CELF5: variants seen among roughly 807,000 people sequenced by gnomAD.
The protein encoded by CELF5 is CUG-BP and ETR-3 like factor 5.
A neutral mutation model predicts 54.9 loss-of-function variants in CELF5; 6 were observed. The observed-to-expected ratio is 0.11, with a 90% CI of 0.06 to 0.22. The LOEUF is 0.22. CELF5 is among the 10% of genes least tolerant of loss of function. CELF5 has a pLI of 1.00. For synonymous variants in CELF5, 271 were observed against 290.9 expected (o/e 0.93, Z 0.70); for missense variants, 401 against 678.6 (o/e 0.59, Z 4.54).
chr19:3,229,618 G>A (rs1917150625), intron 1 of CELF5, among the ~76,000 whole-genome samples: 1 of 152,230 alleles, frequency 6.6e-6, no homozygotes, highest in Admixed American at 6.5e-5. Flanking sequence ...GCTGCAGTGG[G>A]TCTTCCCGTT....
chr19:3,249,555 C>G (rs573662752), intron 1 of CELF5, among the ~76,000 whole-genome samples: 1 of 151,618 alleles, frequency 6.6e-6, no homozygotes, highest in Non-Finnish European at 1.5e-5. Context: ...CTGGGCCACT[C>G]TATGGGCTGG....
intron 1 of CELF5, among the ~76,000 whole-genome samples, chr19:3,248,682 T>C (rs1235135463): frequency 6.6e-6 from 1 of 152,210 alleles, no homozygotes; most frequent in African/African-American, 2.4e-5. Context: ...AACATTGTTA[T>C]ACAAATATCT....
chr19:3,285,904 G>T, intron 9 of CELF5, 38 bp from the exon 10 acceptor site: 2 of 1,170,032 alleles, frequency 1.7e-6, no homozygotes. Flanking sequence ...GTGGCCTCAC[G>T]CCCCTCCTCG....
Position 3,235,690 on chromosome 19 carries a change from GTGGA to G in CELF5, c.259+10715_259+10718del, listed in dbSNP as rs1167320138. Among the ~76,000 whole-genome samples, 330 of 90,292 alleles carry G rather than the reference GTGGA, an allele frequency of 3.7e-3. 1 individual carries two copies. The highest frequency in any genetic ancestry group is 0.013 in the African/African-American group (286 of 22,272). 59.2% of individuals were successfully genotyped at this position (90,292 alleles called of 152,430 possible). On this transcript the variant is annotated intron_variant, in intron 1 of 12. Coordinates refer to ENST00000292672, the MANE Select transcript of CELF5 (RefSeq NM_021938.4). ...GATGGATGGATGGATGTGTGGATGG[GTGGA>G]TGGATGGATGGATGGATGGATGTGT...
At chr19:3,225,719 C>T in intron 1 of CELF5, 1 of 318,356 alleles carries the variant, frequency 3.1e-6, no homozygotes, top group Non-Finnish European at 4.5e-6. Flanking sequence ...TGCCCACCCC[C>T]TGGCCCCACC....
intron 8 of CELF5, among the ~76,000 whole-genome samples, chr19:3,283,883 C>T (rs185348482): frequency 2.6e-5 from 4 of 152,020 alleles, no homozygotes; most frequent in East Asian, 3.9e-4. Flanking sequence ...AGTGCAGTGG[C>T]GTGATCATAG....
intron 4 of CELF5, among the ~76,000 whole-genome samples, chr19:3,276,336 G>A (rs2080052096): frequency 6.6e-6 from 1 of 150,814 alleles, no homozygotes; most frequent in South Asian, 2.1e-4. Context: ...GGAGGAGCTG[G>A]CTCTGAGGAT....
chr19:3,290,470 G>A lies in CELF5; in HGVS notation c.1330+96G>A. 2.9e-6 allele frequency: 4 copies of A among 1,365,920 alleles called. No homozygotes were observed. The South Asian group carries it at 5.1e-5, about 17-fold the overall frequency. 84.6% of individuals were successfully genotyped at this position (1,365,920 alleles called of 1,614,324 possible). On this transcript the variant is annotated intron_variant, in intron 11 of 12. Coordinates refer to ENST00000292672, the MANE Select transcript of CELF5 (RefSeq NM_021938.4). ...TTTTGGTCGGCCTCGGGACAGGGCT[G>A]TGCTGAAATAATCACAATCAGAACC...
rs2079907036 is a variant in CELF5, at chr19:3,268,030, GCT to G, written c.343-5839_343-5838del. Among the ~76,000 whole-genome samples, 1 of 151,984 alleles carries G rather than the reference GCT, an allele frequency of 6.6e-6. No individual in the cohort carries two copies. Among genetic ancestry groups the G allele is most frequent in the African/African-American group, 2.4e-5 (1 of 41,364 alleles). Reference sequence around the variant, plus strand: ...TTTTGCTTTTTTGAGATGGAGTCTCGCTCTGTCGCCCAGGCTGGAGTGCAGTG... The same window carrying G: ...TTTTGCTTTTTTGAGATGGAGTCTCGCTGTCGCCCAGGCTGGAGTGCAGTG... On this transcript the variant is annotated intron_variant, in intron 2 of 12. Coordinates refer to ENST00000292672, the MANE Select transcript of CELF5 (RefSeq NM_021938.4). This position sits in a 1 kb window ranked among gnomAD's most constrained non-coding sequence, Gnocchi z 4.4.
chr19:3,270,194 T>TG (rs1410071689), intron 2 of CELF5, among the ~76,000 whole-genome samples: 1 of 152,104 alleles, frequency 6.6e-6, no homozygotes, highest in Non-Finnish European at 1.5e-5. Flanking sequence ...TCCGCCAGGC[T>TG]GGTGAAGGGT....
At position 3,275,550 on chromosome 19, in the gene CELF5, C is replaced by T. The variant is rs1002240765; in HGVS notation, c.395-306C>T. 2.6e-5 allele frequency among the ~76,000 whole-genome samples: 4 copies of T among 152,246 alleles called. No homozygotes were observed. Among genetic ancestry groups the T allele is most frequent in the Admixed American group, 6.5e-5 (1 of 15,288 alleles). ...AGTGCACCAGAGGGAAAGGTCATCT[C>T]CGCCTGGAGGGGGAGCAGTGGAGCA... On this transcript the variant is annotated intron_variant, in intron 3 of 12. Transcript: ENST00000292672. The surrounding 1 kb of genome is among the most constrained non-coding windows in gnomAD (Gnocchi z 6.7).
At chr19:3,266,962 G>A (rs959216859) in intron 2 of CELF5, among the ~76,000 whole-genome samples, 7 of 152,180 alleles carry the variant, frequency 4.6e-5, no homozygotes, top group African/African-American at 1.4e-4. Context: ...GCACACGCCC[G>A]CACGAGCACA....
intron 1 of CELF5, among the ~76,000 whole-genome samples, chr19:3,249,466 C>T (rs370689029): frequency 6.6e-6 from 1 of 152,286 alleles, no homozygotes; most frequent in East Asian, 1.9e-4. Context: ...CACAGCCTCA[C>T]TCTGGGCCAC....
At chr19:3,287,199 G>A (rs1469199090) in intron 10 of CELF5, among the ~76,000 whole-genome samples, 3 of 151,720 alleles carry the variant, frequency 2.0e-5, no homozygotes, top group African/African-American at 7.3e-5. Context: ...CAACAACATG[G>A]AATAACTTCA....
intron 5 of CELF5, among the ~76,000 whole-genome samples, chr19:3,279,689 G>GGC (rs59549563): frequency 0.01 from 1 of 100 alleles, no homozygotes; most frequent in East Asian, 0.17. Context: ...TGGCCTCCTG[G>GGC]CCCCTGCCTC....
At position 3,281,194 on chromosome 19, in the gene CELF5, T is replaced by C. The variant is rs774855698; in HGVS notation, c.604-5T>C. The C allele has an allele frequency of 6.2e-7, 1 of 1,603,306 alleles. No individual in the cohort carries two copies. Among genetic ancestry groups the C allele is most frequent in the Non-Finnish European group, 8.5e-7 (1 of 1,177,348 alleles). ...TTCCCTCCCTGCTCGCCGCTGCCCC[T>C]GCAGGGAGCCTCCTCCAGCCTGGTG... On this transcript the variant is annotated splice_region_variant and splice_polypyrimidine_tract_variant and intron_variant, in intron 5 of 12. Coordinates refer to ENST00000292672, the MANE Select transcript of CELF5 (RefSeq NM_021938.4). The surrounding 1 kb of genome is among the most constrained non-coding windows in gnomAD (Gnocchi z 6.5).
rs2079909153 is a variant in CELF5, at chr19:3,268,153, C to T, written c.343-5719C>T. ...AGCTGGGATTACAGGTGCCCGCCAC[C>T]ACGCCCAGCTACTTTTTGTATTTTT... On this transcript the variant is annotated intron_variant, in intron 2 of 12. Transcript: ENST00000292672. This position sits in a 1 kb window ranked among gnomAD's most constrained non-coding sequence, Gnocchi z 4.4. 6.6e-6 allele frequency among the ~76,000 whole-genome samples: 1 copy of T among 152,054 alleles called. No individual in the cohort carries two copies. The highest frequency in any genetic ancestry group is 1.5e-5 in the Non-Finnish European group (1 of 68,008).
intron 2 of CELF5, among the ~76,000 whole-genome samples, chr19:3,265,283 A>G (rs2079866331): frequency 6.6e-6 from 1 of 152,204 alleles, no homozygotes; most frequent in African/African-American, 2.4e-5. Context: ...GGATGCAGTG[A>G]GCTATTGATG....
intron 10 of CELF5, among the ~76,000 whole-genome samples, chr19:3,287,441 TC>T (rs1259241404): frequency 1.3e-5 from 2 of 150,470 alleles, no homozygotes. Flanking sequence ...GTGTCTGTAA[TC>T]CCAGCTATTG....
Sources: gnomAD v4.1 joint callset for allele counts (sites outside exome capture counted in the v4.1 genomes callset) on GRCh38, gnomAD v4.1.1 for gene constraint, Gnocchi (gnomAD v3.1) non-coding constraint, MANE v1.5 for transcripts, NCBI Gene and HGNC (gene_info 2026-07-23, HGNC 2026-07-21) for gene names.